Variants in DCHS2 observed in about 807,000 individuals in gnomAD.
DCHS2 encodes dachsous cadherin-related 2, also known as protocadherin-23.
In DCHS2, 142 loss-of-function variants were observed where a neutral mutation model predicts 182.4. The ratio of observed to expected loss-of-function variants is 0.78; its 90% confidence interval spans 0.68 to 0.89. The LOEUF is 0.89. Ranked by LOEUF, DCHS2 falls within the 40% of genes least tolerant of loss-of-function variation. DCHS2 has a pLI of 0.00. For missense variants in DCHS2, 4,319 were observed against 4,198.6 expected (o/e 1.03, Z -0.79); for synonymous variants, 1,740 against 1,663.3 (o/e 1.05, Z -1.12).
At chr4:154,238,408 A>C (rs1020433998) in intron 19 of DCHS2, among the ~76,000 whole-genome samples, 8 of 152,182 alleles carry the variant, frequency 5.3e-5, no homozygotes, top group Non-Finnish European at 1.2e-4. Context: ...GGGAACACAG[A>C]GTGTGATGTC....
chr4:154,333,066 C>G lies in DCHS2; in HGVS notation c.3142G>C (p.Glu1048Gln). The change falls in exon 5 of 20, where the codon GAG becomes CAG. Residue 1048 changes from glutamate (E) to glutamine (Q), a missense_variant. Coordinates refer to ENST00000357232, the MANE Select transcript of DCHS2 (RefSeq NM_001358235.2). ...NGSLGAGEQR[E>Q]LTLTLRAEDQ... ...TCGGCCCTGAGAGTCAGCGTGAGCT[C>G]CCGCTGCTCGCCCGCGCCCAGGCTG... 1 of 1,614,030 alleles carries G rather than the reference C, an allele frequency of 6.2e-7. No homozygotes were observed. The highest frequency in any genetic ancestry group is 8.5e-7 in the Non-Finnish European group (1 of 1,179,954).
chr4:154,373,976 CT>C (rs35808835), intron 2 of DCHS2: 1 of 1,445,122 alleles, frequency 6.9e-7, no homozygotes, highest in Non-Finnish European at 9.4e-7. Flanking sequence ...TGAATTGATC[CT>C]TTTTGGAGGT....
intron 1 of DCHS2, among the ~76,000 whole-genome samples, chr4:154,409,730 G>C (rs990185): frequency 0.3 from 45,513 of 151,968 alleles, 8,747 homozygotes; most frequent in East Asian, 0.65. Context: ...TTGCTTAAGG[G>C]TCATGTCAGA....
At chr4:154,255,414 C>G in intron 16 of DCHS2, 105 bp downstream of exon 16, 6 of 1,416,108 alleles carry the variant, frequency 4.2e-6, no homozygotes, top group African/African-American at 2.9e-5. Flanking sequence ...AGGGATAACA[C>G]ATTTTACAAT....
chr4:154,491,527 T>A lies in DCHS2; in HGVS notation c.-172A>T. ...GTTACATCTGCAACTGGTGAAAGCG[T>A]CCTCTGCCTGCAGCTCACGCAGACA... On this transcript the variant is annotated 5_prime_UTR_variant, in exon 1 of 20. Transcript: ENST00000357232. The A allele has an allele frequency of 7.2e-7, 1 of 1,396,144 alleles. No individual in the cohort carries two copies. The highest frequency in any genetic ancestry group is 9.2e-7 in the Non-Finnish European group (1 of 1,081,622). The allele number at this position is 1,396,144 out of a possible 1,614,324, so 86.5% of individuals were successfully genotyped here. A position where few individuals can be genotyped will look rare whatever the true frequency, so the allele number is the denominator to read the frequency against.
In DCHS2 at chr4:154,298,474, T is replaced by A; in HGVS notation, c.5840A>T (p.Glu1947Val). 6.2e-7 allele frequency: 1 copy of A among 1,614,176 alleles called. No homozygotes were observed. The highest frequency in any genetic ancestry group is 8.5e-7 in the Non-Finnish European group (1 of 1,180,004). The change falls in exon 13 of 20, where the codon GAA (glutamate) becomes GTA (valine). Residue 1947 changes from glutamate (E) to valine (V), a missense_variant. By Grantham distance (121) the Glu-to-Val change is moderately radical (BLOSUM62 -2). Coordinates refer to ENST00000357232, the MANE Select transcript of DCHS2 (RefSeq NM_001358235.2). ...AAGCACAAGAACCACTGTTCCCACT[T>A]CAGCATCTTCTCTCACAGAGGACTG... Reference protein sequence around the residue: ...YYQSSVREDAEVGTVVLVLSA... With the variant: ...YYQSSVREDAVVGTVVLVLSA...
chr4:154,409,454 A>C (rs1170690684), intron 1 of DCHS2, among the ~76,000 whole-genome samples: 1 of 152,140 alleles, frequency 6.6e-6, no homozygotes, highest in African/African-American at 2.4e-5. Flanking sequence ...CCTCCAGAGA[A>C]TCTCTTCTTT....
rs374718341 is a variant in DCHS2 at position 154,332,936 on chromosome 4, A to C, written c.3272T>G (p.Val1091Gly). ...SWTFEHLVYQ[V>G]EVSESLSPMT... Reference sequence around the variant, plus strand: ...CGGTGAGAGAGACTCACTGACTTCCACTTGATAGACCAAATGTTCGAAAGT... The same window carrying C: ...CGGTGAGAGAGACTCACTGACTTCCCCTTGATAGACCAAATGTTCGAAAGT... The change falls in exon 5 of 20, where the codon GTG becomes GGG. Residue 1091 changes from valine to glycine, a missense_variant. Val to Gly is a moderately radical substitution (Grantham distance 109). Transcript: ENST00000357232. 6.8e-6 allele frequency: 11 copies of C among 1,614,054 alleles called. No individual in the cohort carries two copies. In the African/African-American group the frequency reaches 1.3e-4, roughly 20 times the overall value.
intron 9 of DCHS2, among the ~76,000 whole-genome samples, chr4:154,318,109 G>T (rs1343499346): frequency 6.6e-6 from 1 of 151,978 alleles, no homozygotes; most frequent in Non-Finnish European, 1.5e-5. Flanking sequence ...TGTGTATTCA[G>T]CCCATAGTGT....
At chr4:154,447,315 TA>T (rs1238511032) in intron 1 of DCHS2, among the ~76,000 whole-genome samples, 4 of 151,896 alleles carry the variant, frequency 2.6e-5, no homozygotes, top group Non-Finnish European at 5.9e-5. Flanking sequence ...AATAAAAACT[TA>T]AAAACTAGGG....
intron 2 of DCHS2, among the ~76,000 whole-genome samples, chr4:154,367,041 A>G (rs1730411271): frequency 1.3e-5 from 2 of 152,156 alleles, no homozygotes; most frequent in African/African-American, 4.8e-5. Flanking sequence ...GGAAAGAATA[A>G]CAGGCAGAGG....
intron 1 of DCHS2, among the ~76,000 whole-genome samples, chr4:154,400,363 G>A (rs994593568): frequency 6.8e-6 from 1 of 147,048 alleles, no homozygotes; most frequent in Non-Finnish European, 1.5e-5. Flanking sequence ...ATGATATAAG[G>A]ACCCCTGCAG....
At chr4:154,385,281 C>G (rs1401446824) in intron 1 of DCHS2, among the ~76,000 whole-genome samples, 1 of 152,064 alleles carries the variant, frequency 6.6e-6, no homozygotes, top group African/African-American at 2.4e-5. Context: ...GCATAGTATT[C>G]CATTGTGTAT....
chr4:154,446,971 C>G lies in DCHS2; in HGVS notation c.2052+42333G>C, dbSNP rs576448516. Reference sequence around the variant, plus strand: ...ACACTCATACACACGCACACACACACACACACATAATAAATGCAAGTAAAA... The same window carrying G: ...ACACTCATACACACGCACACACACAGACACACATAATAAATGCAAGTAAAA... On this transcript the variant is annotated intron_variant, in intron 1 of 19. Coordinates refer to ENST00000357232, the MANE Select transcript of DCHS2 (RefSeq NM_001358235.2). Among the ~76,000 whole-genome samples, 50 of 152,178 alleles carry G rather than the reference C, an allele frequency of 3.3e-4. No individual in the cohort carries two copies. In the East Asian group the frequency reaches 8.5e-3, roughly 26 times the overall value.
intron 13 of DCHS2, among the ~76,000 whole-genome samples, chr4:154,283,456 C>CAAAAAA (rs70947155): frequency 7.9e-6 from 1 of 126,746 alleles, no homozygotes; most frequent in Admixed American, 7.9e-5. Context: ...TAAGTTTAAG[C>CAAAAAA]AAAAAAAAAA....
intron 3 of DCHS2, among the ~76,000 whole-genome samples, chr4:154,338,852 G>A (rs996722883): frequency 5.9e-5 from 9 of 152,058 alleles, no homozygotes; most frequent in Admixed American, 4.6e-4. Context: ...TCAATCCATT[G>A]TGCTTGAAAA....
At chr4:154,341,223 GC>G (rs1440120790) in intron 3 of DCHS2, among the ~76,000 whole-genome samples, 1 of 151,964 alleles carries the variant, frequency 6.6e-6, no homozygotes, top group Admixed American at 6.6e-5. Flanking sequence ...AAAAAAATTA[GC>G]CGGGCGTGGT....
At chr4:154,287,517 G>A (rs1220785092) in intron 13 of DCHS2, among the ~76,000 whole-genome samples, 2 of 152,142 alleles carry the variant, frequency 1.3e-5, no homozygotes, top group Non-Finnish European at 2.9e-5. Context: ...GCCTTACTCT[G>A]TCTCCCAGGT....
intron 16 of DCHS2, among the ~76,000 whole-genome samples, chr4:154,252,451 A>G (rs1275528060): frequency 1.3e-5 from 2 of 152,076 alleles, no homozygotes; most frequent in African/African-American, 4.8e-5. Flanking sequence ...TATATTTTGT[A>G]ATCTTTAACC....
Sources: gnomAD v4.1 joint callset for allele counts (sites outside exome capture counted in the v4.1 genomes callset) on GRCh38, gnomAD v4.1.1 for gene constraint, MANE v1.5 for transcripts, NCBI Gene and HGNC (gene_info 2026-07-23, HGNC 2026-07-21) for gene names.